NCOA1: variants seen among roughly 807,000 people sequenced by gnomAD.
NCOA1 encodes Hin-2 protein.
A neutral mutation model predicts 150.9 loss-of-function variants in NCOA1; 35 were observed. The ratio of observed to expected loss-of-function variants is 0.23; its 90% confidence interval spans 0.18 to 0.31. NCOA1 has a LOEUF of 0.31. Among genes scored for constraint, NCOA1 ranks in the 10% least tolerant of loss-of-function variants. NCOA1 has a pLI of 1.00. For synonymous variants in NCOA1, 590 were observed against 630.0 expected (o/e 0.94, Z 0.95); for missense variants, 1,491 against 1,749.3 (o/e 0.85, Z 2.63).
rs530645429 is a variant in NCOA1 at position 24,634,708 on chromosome 2, A to ACCCCCCCC, written c.-174-9251_-174-9244dup. On this transcript the variant is annotated intron_variant, in intron 3 of 22. Transcript: ENST00000348332. ...CCTACCCTGGATTCCTAGGGGAGGA[A>ACCCCCCCC]CCCCCCCCCCCCCCGCCCCCGGAGA... Among the ~76,000 whole-genome samples the ACCCCCCCC allele has an allele frequency of 2.2e-3, 89 of 39,722 alleles. 1 individual carries two copies. Among genetic ancestry groups the ACCCCCCCC allele is most frequent in the African/African-American group, 3.0e-3 (26 of 8,664 alleles). 26.1% of individuals were successfully genotyped at this position (39,722 alleles called of 152,430 possible).
At chr2:24,689,652 A>C (rs764404412) in intron 8 of NCOA1, among the ~76,000 whole-genome samples, 4 of 152,126 alleles carry the variant, frequency 2.6e-5, no homozygotes, top group African/African-American at 4.8e-5. Context: ...CAGCCTCCCA[A>C]AGTGCTGGGA....
chr2:24,632,917 A>G (rs1052008717), intron 3 of NCOA1, among the ~76,000 whole-genome samples: 9 of 152,366 alleles, frequency 5.9e-5, no homozygotes, highest in Admixed American at 4.6e-4. Context: ...GATAAGTCCC[A>G]TGTATATAAC....
intron 16 of NCOA1, among the ~76,000 whole-genome samples, chr2:24,728,783 CT>C (rs1662840011): frequency 6.6e-6 from 1 of 152,232 alleles, no homozygotes; most frequent in Admixed American, 6.5e-5. Flanking sequence ...CGCTTGTCTT[CT>C]GCCAGTATAT....
At position 24,741,999 on chromosome 2, in the gene NCOA1, T is replaced by C. The variant is rs775356829; in HGVS notation, c.3519T>C (p.Tyr1173=). 1.5e-5 allele frequency: 25 copies of C among 1,614,076 alleles called. No individual in the cohort carries two copies. The highest frequency in any genetic ancestry group is 6.7e-5 in the Admixed American group (4 of 59,994). Residue 1173 remains tyrosine, a synonymous_variant, in exon 19 of 23, where the codon TAT becomes TAC. Coordinates refer to ENST00000348332, the MANE Select transcript of NCOA1 (RefSeq NM_003743.5). ...AGCAATTCCCCTATCCACCAAACTA[T>C]GGTACAAATCCAGGAACCCCACCTG... is the stretch of plus-strand genomic sequence containing the variant. ...APQQFPYPPN[Y]GTNPGTPPAS... is the part of the protein sequence containing the mutation.
rs762919513 is a variant in NCOA1, at chr2:24,768,382, G to A, written c.4317G>A (p.Leu1439=). ...AQQKSLLQQL[L]TE is the part of the protein sequence containing the mutation. ...AGAAGAGCCTCCTTCAGCAGCTACT[G>A]ACTGAATAACCACTTTTAAAGGAAT... The change falls in exon 23 of 23, where the codon CTG becomes CTA. Residue 1439 remains leucine, a synonymous_variant. Transcript: ENST00000348332. 3.1e-6 allele frequency: 5 copies of A among 1,608,182 alleles called. No homozygotes were observed. The East Asian group carries it at 8.9e-5, about 29-fold the overall frequency.
chr2:24,517,231 A>G (rs1226771437), intron 1 of NCOA1, among the ~76,000 whole-genome samples: 3 of 151,458 alleles, frequency 2.0e-5, no homozygotes, highest in Admixed American at 6.6e-5. Flanking sequence ...TATTTTTTAT[A>G]CTATATTTTC....
At chr2:24,719,153 T>C (rs1331230767) in intron 14 of NCOA1, among the ~76,000 whole-genome samples, 2 of 151,198 alleles carry the variant, frequency 1.3e-5, no homozygotes, top group African/African-American at 4.9e-5. Context: ...ACTATAATAC[T>C]ATTACATAGG....
chr2:24,762,810 A>T, intron 22 of NCOA1, 34 bp downstream of exon 22: 1 of 1,562,564 alleles, frequency 6.4e-7, no homozygotes, highest in Non-Finnish European at 8.8e-7. Flanking sequence ...AGAGCTGTCA[A>T]ATGTACTCTA....
intron 4 of NCOA1, among the ~76,000 whole-genome samples, chr2:24,649,981 G>A (rs994125546): frequency 1.9e-4 from 29 of 152,150 alleles, no homozygotes; most frequent in Admixed American, 3.3e-4. Context: ...TTTACAAAAA[G>A]CACTATAAGA....
intron 3 of NCOA1, among the ~76,000 whole-genome samples, chr2:24,624,943 C>T (rs1044543778): frequency 1.2e-4 from 18 of 152,110 alleles, no homozygotes; most frequent in African/African-American, 3.9e-4. Context: ...GCCAACCATA[C>T]GGGAGCTACT....
chr2:24,695,178 C>T (rs1672840531), intron 10 of NCOA1, among the ~76,000 whole-genome samples: 1 of 151,882 alleles, frequency 6.6e-6, no homozygotes, highest in Non-Finnish European at 1.5e-5. Flanking sequence ...TTCTAAGAAC[C>T]CAGCTGTTAA....
In NCOA1 at chr2:24,706,756, G is replaced by C; in HGVS notation, c.1286G>C (p.Ser429Thr). Residue 429 changes from serine to threonine, a missense_variant, in exon 13 of 23, where the codon AGC (serine) becomes ACC (threonine). Coordinates refer to ENST00000348332, the MANE Select transcript of NCOA1 (RefSeq NM_003743.5). ...CAGCAGAGCTCAGACCTTCATAGCA[G>C]CAGTCATAGTAATTCTAGCAACAGC... Reference protein sequence around the residue: ...NRQQSSDLHSSSHSNSSNSQG... With the variant: ...NRQQSSDLHSTSHSNSSNSQG... 6.2e-7 allele frequency: 1 copy of C among 1,614,182 alleles called. No homozygotes were observed. The highest frequency in any genetic ancestry group is 8.5e-7 in the Non-Finnish European group (1 of 1,180,040).
chr2:24,513,887 A>G (rs545478029), intron 1 of NCOA1, among the ~76,000 whole-genome samples: 1 of 152,276 alleles, frequency 6.6e-6, no homozygotes, highest in South Asian at 2.1e-4. Flanking sequence ...GAAAACATTT[A>G]TTCTAGCAAA....
intron 15 of NCOA1, 90 bp downstream of exon 15, chr2:24,726,796 T>C: frequency 1.6e-6 from 1 of 640,534 alleles, no homozygotes; most frequent in Non-Finnish European, 2.5e-6. Context: ...CAGTCTACAG[T>C]GGTATTTTGT....
At chr2:24,543,390 C>A (rs1260912374) in intron 1 of NCOA1, among the ~76,000 whole-genome samples, 1 of 152,142 alleles carries the variant, frequency 6.6e-6, no homozygotes, top group Middle Eastern at 3.2e-3. Flanking sequence ...CCCCATGACC[C>A]AAACACCTTC....
chr2:24,539,282 A>T (rs1665292489), intron 1 of NCOA1, among the ~76,000 whole-genome samples: 1 of 152,170 alleles, frequency 6.6e-6, no homozygotes, highest in Non-Finnish European at 1.5e-5. Flanking sequence ...TGGGTTTTGT[A>T]CAATGCCTAG....
At chr2:24,627,367 A>T (rs1182763387) in intron 3 of NCOA1, among the ~76,000 whole-genome samples, 1 of 152,132 alleles carries the variant, frequency 6.6e-6, no homozygotes, top group Admixed American at 6.5e-5. Flanking sequence ...GAAATATGAT[A>T]AAAATAAATC....
chr2:24,516,984 G>GTATATATACGTGTATATATACGTA (rs1558758676), intron 1 of NCOA1, among the ~76,000 whole-genome samples: 4 of 48,546 alleles, frequency 8.2e-5, no homozygotes, highest in African/African-American at 1.3e-4. Flanking sequence ...ACACATATAC[G>GTATATATACGTGTATATATACGTA]TATATATATA....
chr2:24,582,003 C>T (rs1667212529), intron 2 of NCOA1, among the ~76,000 whole-genome samples: 1 of 152,152 alleles, frequency 6.6e-6, no homozygotes, highest in South Asian at 2.1e-4. Flanking sequence ...TAACATTATA[C>T]TGAATGGGGA....
Sources: allele counts gnomAD v4.1 joint callset (sites outside exome capture counted in the v4.1 genomes callset), GRCh38; gene constraint gnomAD v4.1.1; transcripts MANE v1.5; gene names NCBI Gene and HGNC (gene_info 2026-07-23, HGNC 2026-07-21).